The following RRAGD variants were observed in gnomAD, a reference collection of about 807,000 sequenced individuals.
RRAGD encodes Ras related GTP binding D.
A neutral mutation model predicts 35.5 loss-of-function variants in RRAGD; 12 were observed. That is an observed-to-expected ratio of 0.34 (90% CI 0.22 to 0.55). The LOEUF is 0.55. RRAGD is among the 20% of genes least tolerant of loss of function. The pLI, the probability that RRAGD is intolerant of heterozygous loss-of-function variation, is 0.91. For synonymous variants in RRAGD, 155 were observed against 178.9 expected (o/e 0.87, Z 1.07); for missense variants, 324 against 490.1 (o/e 0.66, Z 3.20).
chr6:89,394,895 A>T (rs573211154), intron 1 of RRAGD, among the ~76,000 whole-genome samples: 96 of 152,304 alleles, frequency 6.3e-4, no homozygotes, highest in South Asian at 1.7e-3. Flanking sequence ...ATACATATAT[A>T]ATTAAAATTG....
chr6:89,402,297 C>T (rs1414322821), intron 1 of RRAGD, among the ~76,000 whole-genome samples: 1 of 151,976 alleles, frequency 6.6e-6, no homozygotes, highest in Non-Finnish European at 1.5e-5. Flanking sequence ...CCGCCAGCCT[C>T]GGCCTCCCAA....
At chr6:89,372,681 A>G in intron 5 of RRAGD, 96 bp from the exon 6 acceptor site, 2 of 1,298,014 alleles carry the variant, frequency 1.5e-6, no homozygotes, top group Middle Eastern at 3.9e-4. Context: ...ACAAAAAGTG[A>G]TAATCATAAG....
chr6:89,400,989 A>G (rs1057310668), intron 1 of RRAGD, among the ~76,000 whole-genome samples: 1 of 152,192 alleles, frequency 6.6e-6, no homozygotes, highest in Non-Finnish European at 1.5e-5. Context: ...CTGCAGACAC[A>G]AAGAAAAACG....
At chr6:89,399,608 C>A (rs762544439) in intron 1 of RRAGD, among the ~76,000 whole-genome samples, 34 of 152,040 alleles carry the variant, frequency 2.2e-4, no homozygotes, top group Non-Finnish European at 4.4e-4. Context: ...CCTCTCTCTA[C>A]TAAAAATATA....
At chr6:89,386,674 T>A in intron 2 of RRAGD, among the ~76,000 whole-genome samples, 1 of 152,168 alleles carries the variant, frequency 6.6e-6, no homozygotes, top group South Asian at 2.1e-4. Context: ...TGAATAAAGT[T>A]TCTCAGTGCT....
intron 1 of RRAGD, among the ~76,000 whole-genome samples, chr6:89,388,570 C>CA (rs1368200372): frequency 6.6e-6 from 1 of 152,160 alleles, no homozygotes; most frequent in Non-Finnish European, 1.5e-5. Flanking sequence ...CCACATCCAG[C>CA]AAGTGGCTAA....
At chr6:89,391,827 C>T (rs569032038) in intron 1 of RRAGD, among the ~76,000 whole-genome samples, 2 of 151,680 alleles carry the variant, frequency 1.3e-5, no homozygotes, top group African/African-American at 4.8e-5. Context: ...TGTGGTGGCA[C>T]GCACCTGTAG....
At chr6:89,406,613 G>A (rs1001716946) in intron 1 of RRAGD, among the ~76,000 whole-genome samples, 12 of 152,170 alleles carry the variant, frequency 7.9e-5, no homozygotes, top group African/African-American at 2.9e-4. Context: ...TCCCCTATCT[G>A]CTGAGAGCTA....
rs574990587 is a variant in RRAGD at position 89,399,796 on chromosome 6, G to T, written c.148+12050C>A. On this transcript the variant is annotated intron_variant, in intron 1 of 6. Coordinates refer to ENST00000369415, the MANE Select transcript of RRAGD (RefSeq NM_021244.5). ...TTTTTTTTTTTTTTGTAGAGACGAGGTCTCCCTATGTTGCCCAGGCTGGTC... is the reference window on the plus strand; with the variant it reads ...TTTTTTTTTTTTTTGTAGAGACGAGTTCTCCCTATGTTGCCCAGGCTGGTC... 1.4e-4 allele frequency among the ~76,000 whole-genome samples: 21 copies of T among 146,196 alleles called. No individual in the cohort carries two copies. In the South Asian group the frequency reaches 2.6e-3, roughly 18 times the overall value.
chr6:89,401,733 C>T (rs1769468545), intron 1 of RRAGD, among the ~76,000 whole-genome samples: 1 of 152,172 alleles, frequency 6.6e-6, no homozygotes, highest in Non-Finnish European at 1.5e-5. Context: ...CAGCTCAGCC[C>T]AGCTGCAATG....
intron 1 of RRAGD, among the ~76,000 whole-genome samples, chr6:89,392,587 G>A (rs1769258372): frequency 6.6e-6 from 1 of 150,870 alleles, no homozygotes; most frequent in Admixed American, 6.6e-5. Context: ...TTTTTCTCTG[G>A]TCTAACCTAA....
At chr6:89,380,430 C>T in intron 2 of RRAGD, 63 bp from the exon 3 acceptor site, 2 of 1,422,110 alleles carry the variant, frequency 1.4e-6, no homozygotes, top group African/African-American at 1.4e-5. Context: ...CCCACACACA[C>T]TCTTCACCTG....
chr6:89,385,349 C>T (rs912941476), intron 2 of RRAGD, among the ~76,000 whole-genome samples: 1 of 152,184 alleles, frequency 6.6e-6, no homozygotes, highest in African/African-American at 2.4e-5. Flanking sequence ...GGTAGGACTA[C>T]TACAGCTACC....
intron 6 of RRAGD, among the ~76,000 whole-genome samples, chr6:89,370,676 T>C (rs981491944): frequency 6.6e-6 from 1 of 152,108 alleles, no homozygotes; most frequent in Non-Finnish European, 1.5e-5. Flanking sequence ...AGAAACAACA[T>C]AGATGTCTGA....
intron 2 of RRAGD, among the ~76,000 whole-genome samples, chr6:89,383,895 G>A (rs568584761): frequency 1.3e-5 from 2 of 152,136 alleles, no homozygotes; most frequent in Admixed American, 6.5e-5. Context: ...AGGCCGAGGC[G>A]GGTGGATCAC....
chr6:89,377,008 T>C (rs989006652), intron 5 of RRAGD, among the ~76,000 whole-genome samples: 2 of 152,194 alleles, frequency 1.3e-5, no homozygotes, highest in Non-Finnish European at 2.9e-5. Context: ...GTGAAGACAA[T>C]GAGGGTAAAG....
chr6:89,378,878 C>T (rs556095065), intron 4 of RRAGD, among the ~76,000 whole-genome samples: 1 of 152,268 alleles, frequency 6.6e-6, no homozygotes, highest in Non-Finnish European at 1.5e-5. Context: ...CCTTCCACCA[C>T]AGCCTCCCAA....
chr6:89,390,271 T>C (rs1457500487), intron 1 of RRAGD, among the ~76,000 whole-genome samples: 2 of 152,284 alleles, frequency 1.3e-5, no homozygotes, highest in East Asian at 1.9e-4. Flanking sequence ...AAATCATACA[T>C]GTGATAAGAG....
At chr6:89,380,056 G>A (rs1471993319) in intron 3 of RRAGD, 112 bp downstream of exon 3, 1 of 871,312 alleles carries the variant, frequency 1.1e-6, no homozygotes, top group Non-Finnish European at 1.9e-6. Context: ...CATGAAACAG[G>A]GTAAAAAGAA....
Sources: allele counts gnomAD v4.1 joint callset (sites outside exome capture counted in the v4.1 genomes callset), GRCh38; gene constraint gnomAD v4.1.1; transcripts MANE v1.5; gene names NCBI Gene and HGNC (gene_info 2026-07-23, HGNC 2026-07-21).